Variants in TMEM200A observed in about 807,000 individuals in gnomAD.
The protein encoded by TMEM200A is two transmembrane C.
TMEM200A carries 12 observed loss-of-function variants against 24.3 expected under a neutral mutation model. That is an observed-to-expected ratio of 0.49 (90% CI 0.32 to 0.80). The LOEUF is 0.80. TMEM200A is among the 30% of genes least tolerant of loss of function. The pLI, the probability that TMEM200A is intolerant of heterozygous loss-of-function variation, is 0.04. For missense variants in TMEM200A, 545 were observed against 614.4 expected, an observed-to-expected ratio of 0.89 and a Z score of 1.19; for synonymous variants, 224 against 224.4, an observed-to-expected ratio of 1.00 and a Z score of 0.02.
intron 1 of TMEM200A, among the ~76,000 whole-genome samples, chr6:130,378,006 G>A (rs1778502251): frequency 6.6e-6 from 1 of 152,072 alleles, no homozygotes; most frequent in East Asian, 1.9e-4. Flanking sequence ...TGCCGCAGGA[G>A]GAATAGAAAG....
In TMEM200A at chr6:130,383,073, A is replaced by T. The variant is rs1778638232; in HGVS notation, c.-80-2100A>T. 4.1e-6 allele frequency: 4 copies of T among 985,166 alleles called. No homozygotes were observed. In the South Asian group the frequency reaches 1.9e-4, roughly 46 times the overall value. 61.0% of individuals were successfully genotyped at this position (985,166 alleles called of 1,614,324 possible). A position where few individuals can be genotyped will look rare whatever the true frequency, so the allele number is the denominator to read the frequency against. ...TTTGTGACTCCTCCTCATGGCCTAC[A>T]TCTATTTGCTCAGGCATTATTAAAT... On this transcript the variant is annotated intron_variant, in intron 1 of 2. Transcript: ENST00000296978.
chr6:130,410,169 T>C (rs1779299226), intron 2 of TMEM200A, among the ~76,000 whole-genome samples: 1 of 152,190 alleles, frequency 6.6e-6, no homozygotes, highest in Non-Finnish European at 1.5e-5. Flanking sequence ...TCAGAGTTTC[T>C]TTGTGAGTTT....
chr6:130,384,437 G>A (rs1196778875), intron 1 of TMEM200A, among the ~76,000 whole-genome samples: 9 of 151,998 alleles, frequency 5.9e-5, no homozygotes, highest in East Asian at 1.9e-4. Flanking sequence ...TCAGCCTCCC[G>A]AGTAGGTGAG....
At chr6:130,386,346 G>T (rs1778711970) in intron 2 of TMEM200A, among the ~76,000 whole-genome samples, 1 of 152,096 alleles carries the variant, frequency 6.6e-6, no homozygotes, top group Non-Finnish European at 1.5e-5. Flanking sequence ...CTTAGAACGG[G>T]GCTGAAAACT....
chr6:130,429,114 T>G (rs970896448), intron 2 of TMEM200A, among the ~76,000 whole-genome samples: 5 of 152,196 alleles, frequency 3.3e-5, no homozygotes, highest in Non-Finnish European at 7.3e-5. Flanking sequence ...CATATATTTA[T>G]GTATAGATTT....
chr6:130,423,611 G>T (rs1460135854), intron 2 of TMEM200A, among the ~76,000 whole-genome samples: 1 of 152,062 alleles, frequency 6.6e-6, no homozygotes, highest in Non-Finnish European at 1.5e-5. Flanking sequence ...GGAAGAAAAT[G>T]AAATTTTAAA....
Position 130,440,687 on chromosome 6 carries a change from C to T in TMEM200A, c.265C>T (p.His89Tyr). 6.2e-7 allele frequency: 1 copy of T among 1,614,020 alleles called. No individual in the cohort carries two copies. Among genetic ancestry groups the T allele is most frequent in the Non-Finnish European group, 8.5e-7 (1 of 1,179,928 alleles). ...TCTTGGATATTGGCCCCAAAAAGAA[C>T]ATTTTATTGATGCTGAAACAACACT... is the stretch of plus-strand genomic sequence containing the variant. Reference protein sequence around the residue: ...AVLGYWPQKEHFIDAETTLST... With the variant: ...AVLGYWPQKEYFIDAETTLST... Residue 89 changes from histidine (H) to tyrosine (Y), a missense_variant, in exon 3 of 3, where the codon CAT becomes TAT. Transcript: ENST00000296978.
chr6:130,398,246 T>C (rs1188013788), intron 2 of TMEM200A, among the ~76,000 whole-genome samples: 2 of 152,148 alleles, frequency 1.3e-5, no homozygotes, highest in Non-Finnish European at 2.9e-5. Context: ...CCTGTGTAGT[T>C]CTCTCAGGTT....
intron 2 of TMEM200A, among the ~76,000 whole-genome samples, chr6:130,431,075 G>A (rs1229680268): frequency 1.3e-5 from 2 of 152,130 alleles, no homozygotes; most frequent in Admixed American, 6.5e-5. Flanking sequence ...ACACGACTGT[G>A]TTACTTGCCA....
At chr6:130,436,605 T>G (rs191892023) in intron 2 of TMEM200A, among the ~76,000 whole-genome samples, 1 of 150,574 alleles carries the variant, frequency 6.6e-6, no homozygotes, top group African/African-American at 2.4e-5. Flanking sequence ...ATTTTATAGT[T>G]TCACTAGGCT....
chr6:130,404,944 G>T (rs1385633348), intron 2 of TMEM200A, among the ~76,000 whole-genome samples: 1 of 152,018 alleles, frequency 6.6e-6, no homozygotes, highest in Non-Finnish European at 1.5e-5. Flanking sequence ...TTTTTGTCAG[G>T]TTTGTCAAAG....
At position 130,366,288 on chromosome 6, in the gene TMEM200A, C is replaced by A; in HGVS notation, c.-317C>A. ...GCCCCCACCCTCCGTCCGCTTGCAC[C>A]CCTTGCCACCCGCCCCCTCGCCTGA... On this transcript the variant is annotated 5_prime_UTR_variant, in exon 1 of 3. Transcript: ENST00000296978. This position sits in a 1 kb window ranked among gnomAD's most constrained non-coding sequence, Gnocchi z 4.4. 4 of 985,326 alleles carry A rather than the reference C, an allele frequency of 4.1e-6. No individual in the cohort carries two copies. Among genetic ancestry groups the A allele is most frequent in the Non-Finnish European group, 4.8e-6 (4 of 829,902 alleles). 61.0% of individuals were successfully genotyped at this position (985,326 alleles called of 1,614,324 possible).
intron 2 of TMEM200A, among the ~76,000 whole-genome samples, chr6:130,431,051 C>T (rs1026232838): frequency 6.6e-6 from 1 of 151,988 alleles, no homozygotes; most frequent in African/African-American, 2.4e-5. Context: ...CCTTTAGTAG[C>T]CTTAACAATA....
intron 2 of TMEM200A, among the ~76,000 whole-genome samples, chr6:130,407,802 C>G (rs939120644): frequency 5.9e-5 from 9 of 152,078 alleles, no homozygotes; most frequent in Non-Finnish European, 5.9e-5. Flanking sequence ...AGGAAGGGAG[C>G]CTGACTCTCA....
rs77501469 is a variant in TMEM200A, at chr6:130,433,016, G to C, written c.-16-7391G>C. 4.2e-3 allele frequency among the ~76,000 whole-genome samples: 637 copies of C among 152,190 alleles called. 7 individuals carry two copies. The highest frequency in any genetic ancestry group is 0.014 in the African/African-American group (593 of 41,524). ...AGGCTTTGCCATTTTATAGATGGAG[G>C]AACTGAGATAAGAAAAGCCACTTGC... On this transcript the variant is annotated intron_variant, in intron 2 of 2. Transcript: ENST00000296978.
intron 1 of TMEM200A, among the ~76,000 whole-genome samples, chr6:130,370,902 G>A (rs1366822598): frequency 6.6e-6 from 1 of 152,152 alleles, no homozygotes; most frequent in Non-Finnish European, 1.5e-5. Flanking sequence ...ACAGGGAGCT[G>A]AAGTGATTAA....
At chr6:130,430,090 A>G (rs1398234724) in intron 2 of TMEM200A, among the ~76,000 whole-genome samples, 1 of 152,132 alleles carries the variant, frequency 6.6e-6, no homozygotes, top group African/African-American at 2.4e-5. Context: ...ATCATAGACT[A>G]CATGGCTTAT....
rs1780212783 is a variant in TMEM200A at position 130,442,177 on chromosome 6, ATTTTC to A, written c.*283_*287del. The stretch of plus-strand genomic sequence containing the variant: ...AATGCTTGCATCCAAATTAAAGCTT[ATTTTC>A]TTTACTTTTAAGTTCTTTGATTGCC... On this transcript the variant is annotated 3_prime_UTR_variant, in exon 3 of 3. Transcript: ENST00000296978. 3.4e-6 allele frequency: 1 copy of A among 293,636 alleles called. No individual in the cohort carries two copies. The highest frequency in any genetic ancestry group is 2.2e-5 in the African/African-American group (1 of 45,322). The allele number at this position is 293,636 out of a possible 1,614,324, so 18.2% of individuals were successfully genotyped here. A position where few individuals can be genotyped will look rare whatever the true frequency, so the allele number is the denominator to read the frequency against.
intron 2 of TMEM200A, among the ~76,000 whole-genome samples, chr6:130,403,643 A>G (rs565689532): frequency 6.6e-6 from 1 of 150,664 alleles, no homozygotes; most frequent in Non-Finnish European, 1.5e-5. Flanking sequence ...TCATTTTGCT[A>G]TTTTTTTTTC....
Sources: allele counts gnomAD v4.1 joint callset (sites outside exome capture counted in the v4.1 genomes callset), GRCh38; gene constraint gnomAD v4.1.1; non-coding constraint Gnocchi (gnomAD v3.1); transcripts MANE v1.5; gene names NCBI Gene and HGNC (gene_info 2026-07-23, HGNC 2026-07-21).